The following FANCI variants were observed in gnomAD, a reference collection of about 807,000 sequenced individuals.
FANCI encodes Fanconi anemia group I protein.
FANCI carries 156 observed loss-of-function variants against 176.1 expected under a neutral mutation model. The observed-to-expected ratio is 0.89, with a 90% CI of 0.78 to 1.01. FANCI has a LOEUF of 1.01. FANCI is among the 50% of genes least tolerant of loss of function. The pLI, the probability that FANCI is intolerant of heterozygous loss-of-function variation, is 0.00. For synonymous variants in FANCI, 613 were observed against 541.7 expected (o/e 1.13, Z -1.83); for missense variants, 1,678 against 1,534.1 (o/e 1.09, Z -1.57).
At chr15:89,300,074 G>A in intron 25 of FANCI, 108 bp downstream of exon 25, 1 of 1,314,378 alleles carries the variant, frequency 7.6e-7, no homozygotes, top group Non-Finnish European at 1.1e-6. Context: ...CAGTCCTAAT[G>A]TTGCTAAGGA....
At chr15:89,276,631 TGTATAAC>T (rs976549880) in intron 12 of FANCI, 73 bp from the exon 13 acceptor site, 3 of 1,499,400 alleles carry the variant, frequency 2.0e-6, no homozygotes, top group Non-Finnish European at 2.8e-6. Context: ...GTTTGGGAAA[TGTATAAC>T]AGGGCAATGA....
chr15:89,305,887 A>T, intron 31 of FANCI, 120 bp from the exon 32 acceptor site: 1 of 1,119,988 alleles, frequency 8.9e-7, no homozygotes. Context: ...CACTCTGCAT[A>T]TTGAATGTTC....
chr15:89,268,853 T>C (rs549476916), intron 10 of FANCI, among the ~76,000 whole-genome samples: 1 of 152,254 alleles, frequency 6.6e-6, no homozygotes, highest in Non-Finnish European at 1.5e-5. Context: ...TAATTCTAAG[T>C]AGATTATGTG....
intron 34 of FANCI, among the ~76,000 whole-genome samples, chr15:89,310,029 C>G (rs1054292068): frequency 6.6e-6 from 1 of 152,182 alleles, no homozygotes; most frequent in Non-Finnish European, 1.5e-5. Context: ...TAGTAGTTAT[C>G]CCCATATGCA....
At position 89,305,384 on chromosome 15, in the gene FANCI, T is replaced by G. The variant is rs2054678209; in HGVS notation, c.3230T>G (p.Leu1077Trp). The G allele has an allele frequency of 6.2e-7, 1 of 1,613,706 alleles. No homozygotes were observed. Among genetic ancestry groups the G allele is most frequent in the African/African-American group, 1.3e-5 (1 of 74,910 alleles). ...EKTNHFAIVN[L>W]RTAAPTVCLL... ...ACAAACCACTTTGCAATAGTGAATT[T>G]GAGAACGGCTGCCCCCACTGTCTGT... The change falls in exon 30 of 38, where the codon TTG (leucine) becomes TGG (tryptophan). Residue 1077 changes from leucine to tryptophan, a missense_variant. Physicochemically the swap from Leu to Trp is moderately conservative, Grantham distance 61. Around this residue, in one of 3 missense-constraint regions of FANCI, gnomAD observed 1,204 missense variants for 1,077.4 expected, o/e 1.12. Coordinates refer to ENST00000310775, the MANE Select transcript of FANCI (RefSeq NM_001113378.2).
intron 2 of FANCI, among the ~76,000 whole-genome samples, chr15:89,251,587 A>G (rs923809680): frequency 6.6e-6 from 1 of 152,254 alleles, no homozygotes; most frequent in Non-Finnish European, 1.5e-5. Flanking sequence ...AATGTAACTT[A>G]CGAATATTGA....
rs777372106 is a variant in FANCI at position 89,316,943 on chromosome 15, A to T, written c.*484A>T. ...AAAGGAGAGTGAAAGGTTGAGAACA[A>T]TTGCCACGAACGGTAATGTTACATG... On this transcript the variant is annotated 3_prime_UTR_variant, in exon 38 of 38. Coordinates refer to ENST00000310775, the MANE Select transcript of FANCI (RefSeq NM_001113378.2). 5.1e-6 allele frequency: 4 copies of T among 785,800 alleles called. No homozygotes were observed. The highest frequency in any genetic ancestry group is 9.1e-6 in the Non-Finnish European group (4 of 437,244). 48.7% of individuals were successfully genotyped at this position (785,800 alleles called of 1,614,324 possible).
chr15:89,286,392 A>G (rs1418008209), intron 18 of FANCI, among the ~76,000 whole-genome samples: 1 of 152,236 alleles, frequency 6.6e-6, no homozygotes, highest in Non-Finnish European at 1.5e-5. Context: ...ATGACAGTAC[A>G]GCTAAGAGAA....
intron 34 of FANCI, among the ~76,000 whole-genome samples, chr15:89,310,048 A>C (rs2054894327): frequency 6.6e-6 from 1 of 152,244 alleles, no homozygotes; most frequent in Non-Finnish European, 1.5e-5. Context: ...CATGATGAGA[A>C]AGGTTAATCA....
chr15:89,272,639 C>T (rs1567151163), intron 10 of FANCI, among the ~76,000 whole-genome samples: 1 of 152,064 alleles, frequency 6.6e-6, no homozygotes, highest in Non-Finnish European at 1.5e-5. Context: ...ATTTCTGATC[C>T]ATTCAAGGAC....
At chr15:89,312,569 C>G (rs1380356427) in intron 34 of FANCI, among the ~76,000 whole-genome samples, 1 of 152,214 alleles carries the variant, frequency 6.6e-6, no homozygotes, top group African/African-American at 2.4e-5. Flanking sequence ...CCTGTAATCC[C>G]AGCACTTTGG....
At chr15:89,281,324 A>G in intron 15 of FANCI, 24 bp downstream of exon 15, 4 of 1,613,186 alleles carry the variant, frequency 2.5e-6, no homozygotes, top group Non-Finnish European at 3.4e-6. Flanking sequence ...TTCCCAAGTA[A>G]CTTGCCAAAA....
intron 2 of FANCI, 71 bp downstream of exon 2, chr15:89,247,802 G>A: frequency 3.0e-6 from 4 of 1,347,300 alleles, no homozygotes; most frequent in Non-Finnish European, 4.3e-6. Flanking sequence ...GGACATGTGA[G>A]AAAGAAAAAT....
At chr15:89,244,162 G>C (rs1390719237) in intron 1 of FANCI, 129 bp downstream of exon 1, 1 of 153,064 alleles carries the variant, frequency 6.5e-6, no homozygotes, top group Non-Finnish European at 1.5e-5. Flanking sequence ...ATTTTCTCTG[G>C]CGTGGAAAGT....
chr15:89,310,506 A>C (rs147334231), intron 34 of FANCI, among the ~76,000 whole-genome samples: 216 of 152,300 alleles, frequency 1.4e-3, no homozygotes, highest in African/African-American at 5.1e-3. Context: ...TTTCCTCCCT[A>C]GGCATTTTCC....
intron 34 of FANCI, 27 bp downstream of exon 34, chr15:89,307,699 T>C (rs758044669): frequency 4.3e-6 from 7 of 1,614,036 alleles, no homozygotes; most frequent in East Asian, 4.5e-5. Flanking sequence ...CAGTACCCAA[T>C]AGGTCTTCAA....
intron 26 of FANCI, among the ~76,000 whole-genome samples, chr15:89,301,086 G>A (rs895380151): frequency 2.6e-5 from 4 of 152,338 alleles, no homozygotes; most frequent in African/African-American, 9.6e-5. Flanking sequence ...TCTACATTTT[G>A]CATGGGGTTG....
chr15:89,273,205 A>G (rs1191760774), intron 10 of FANCI, among the ~76,000 whole-genome samples, 172 bp from the exon 11 acceptor site: 1 of 151,748 alleles, frequency 6.6e-6, no homozygotes, highest in African/African-American at 2.4e-5. Flanking sequence ...TTGGGAGGCT[A>G]AGCCAGGAGG....
intron 18 of FANCI, among the ~76,000 whole-genome samples, chr15:89,286,052 C>T (rs746650963): frequency 2.0e-5 from 3 of 151,872 alleles, no homozygotes; most frequent in Non-Finnish European, 2.9e-5. Context: ...GGCACAATCT[C>T]GGTTCACTGC....
Sources: allele counts gnomAD v4.1 joint callset (sites outside exome capture counted in the v4.1 genomes callset), GRCh38; gene constraint gnomAD v4.1.1; regional missense constraint gnomAD v4.1.1; transcripts MANE v1.5; gene names NCBI Gene and HGNC (gene_info 2026-07-23, HGNC 2026-07-21).